The following EDIL3 variants were observed in gnomAD, a reference collection of about 807,000 sequenced individuals.
EDIL3 encodes the protein EGF-like repeat and discoidin I-like domain-containing protein 3.
EDIL3 carries 37 observed loss-of-function variants against 67.4 expected under a neutral mutation model. The observed-to-expected ratio is 0.55, with a 90% CI of 0.42 to 0.72. The LOEUF (loss-of-function observed/expected upper bound fraction) is 0.72, where lower values mean the gene tolerates loss of function less well. Ranked by LOEUF, EDIL3 falls within the 30% of genes least tolerant of loss-of-function variation. The probability of loss-of-function intolerance (pLI) is 0.00; values close to 1 mark genes in which losing one functional copy is unlikely to be tolerated. For missense variants in EDIL3, 527 were observed against 586.3 expected, an observed-to-expected ratio of 0.90 and a Z score of 1.04; for synonymous variants, 195 against 196.3, an observed-to-expected ratio of 0.99 and a Z score of 0.05.
At chr5:84,083,069 T>G (rs1747001406) in intron 6 of EDIL3, among the ~76,000 whole-genome samples, 1 of 152,236 alleles carries the variant, frequency 6.6e-6, no homozygotes, top group South Asian at 2.1e-4. Context: ...CAGGGATGAA[T>G]TTTTAATTTG....
At chr5:84,327,493 T>C (rs2112162046) in intron 1 of EDIL3, among the ~76,000 whole-genome samples, 1 of 152,132 alleles carries the variant, frequency 6.6e-6, no homozygotes, top group Admixed American at 6.6e-5. Flanking sequence ...CTGTATATAG[T>C]GATTTTACTA....
At chr5:84,144,690 G>T (rs1242069516) in intron 4 of EDIL3, among the ~76,000 whole-genome samples, 1 of 151,996 alleles carries the variant, frequency 6.6e-6, no homozygotes, top group East Asian at 1.9e-4. Context: ...ACTCCTCATT[G>T]TCCCATAGTT....
intron 9 of EDIL3, among the ~76,000 whole-genome samples, chr5:84,046,951 T>C (rs1746235736): frequency 6.6e-6 from 1 of 152,206 alleles, no homozygotes; most frequent in Non-Finnish European, 1.5e-5. Context: ...TTTTGGAATT[T>C]TGAATTAATG....
chr5:84,218,770 C>A (rs569493341), intron 3 of EDIL3, among the ~76,000 whole-genome samples: 2 of 152,266 alleles, frequency 1.3e-5, no homozygotes, highest in East Asian at 3.9e-4. Flanking sequence ...TTGGCTGTAG[C>A]CAGGCAGTAC....
At position 84,248,931 on chromosome 5, in the gene EDIL3, C is replaced by T. The variant is rs185176340; in HGVS notation, c.196+5153G>A. 5.5e-4 allele frequency among the ~76,000 whole-genome samples: 84 copies of T among 152,238 alleles called. 1 individual carries two copies. Among genetic ancestry groups the T allele is most frequent in the African/African-American group, 2.0e-3 (84 of 41,546 alleles). ...CAATTGCCTTCAAATTGTCCCCCTGCTGTATTTTGCTGTAATTTGTTTTCC... is the reference window on the plus strand; with the variant it reads ...CAATTGCCTTCAAATTGTCCCCCTGTTGTATTTTGCTGTAATTTGTTTTCC... On this transcript the variant is annotated intron_variant, in intron 2 of 10. Coordinates refer to ENST00000296591, the MANE Select transcript of EDIL3 (RefSeq NM_005711.5).
At chr5:84,240,621 T>C (rs1744777087) in intron 2 of EDIL3, among the ~76,000 whole-genome samples, 1 of 152,104 alleles carries the variant, frequency 6.6e-6, no homozygotes, top group Non-Finnish European at 1.5e-5. Flanking sequence ...CTCCTTAATC[T>C]AATGCCTGAT....
At chr5:84,226,909 TGAGGA>T (rs1288306949) in intron 3 of EDIL3, among the ~76,000 whole-genome samples, 35 of 151,832 alleles carry the variant, frequency 2.3e-4, no homozygotes, top group African/African-American at 8.5e-4. Flanking sequence ...GCCTTCTTAG[TGAGGA>T]GAGAAGTTAT....
intron 1 of EDIL3, among the ~76,000 whole-genome samples, chr5:84,358,751 A>G (rs1008471510): frequency 6.6e-6 from 1 of 151,688 alleles, no homozygotes; most frequent in Non-Finnish European, 1.5e-5. Flanking sequence ...CTGGGACTAC[A>G]GGCGCCTGCC....
At chr5:84,024,328 A>G (rs1026697526) in intron 9 of EDIL3, among the ~76,000 whole-genome samples, 1 of 152,212 alleles carries the variant, frequency 6.6e-6, no homozygotes, top group Non-Finnish European at 1.5e-5. Context: ...ATTTAGAACA[A>G]CCAAGAAAAA....
chr5:84,131,926 T>C (rs1198258995), intron 5 of EDIL3, among the ~76,000 whole-genome samples: 1 of 151,946 alleles, frequency 6.6e-6, no homozygotes, highest in African/African-American at 2.4e-5. Context: ...GTAGTACACA[T>C]TGATATCAAA....
chr5:84,137,214 CACACAT>C lies in EDIL3; in HGVS notation c.469+21_469+26del, dbSNP rs751026106. ...ACACACACACACACACACACACACACACACATACACACACGTGAATACTTACTGTAT... is the reference window on the plus strand; with the variant it reads ...ACACACACACACACACACACACACACACACACACGTGAATACTTACTGTAT... On this transcript the variant is annotated intron_variant, in intron 5 of 10. Transcript: ENST00000296591. 59 of 1,509,358 alleles carry C rather than the reference CACACAT, an allele frequency of 3.9e-5. No homozygotes were observed. In the East Asian group the frequency reaches 6.2e-4, roughly 16 times the overall value. The allele number at this position is 1,509,358 out of a possible 1,614,324, so 93.5% of individuals were successfully genotyped here.
At chr5:84,238,396 G>T (rs1353991531) in intron 2 of EDIL3, among the ~76,000 whole-genome samples, 2 of 151,742 alleles carry the variant, frequency 1.3e-5, no homozygotes, top group African/African-American at 4.8e-5. Context: ...AAGATGAAGG[G>T]GGAAGAAAAA....
At chr5:84,078,662 G>A (rs1746908129) in intron 6 of EDIL3, 1 of 152,162 alleles carries the variant, frequency 6.6e-6, no homozygotes, top group Non-Finnish European at 1.5e-5. Context: ...CTTGAAATAG[G>A]GAGGTGAAGT....
chr5:83,997,455 G>A (rs1745255353), intron 9 of EDIL3, among the ~76,000 whole-genome samples: 1 of 152,118 alleles, frequency 6.6e-6, no homozygotes, highest in African/African-American at 2.4e-5. Context: ...GAGAAATTCA[G>A]GATACCTCCA....
chr5:84,071,851 T>C (rs968866007), intron 6 of EDIL3, among the ~76,000 whole-genome samples: 16 of 152,274 alleles, frequency 1.1e-4, no homozygotes, highest in Admixed American at 9.2e-4. Flanking sequence ...AATAGTGTGA[T>C]ACCGGCACAC....
chr5:84,297,177 GAAAA>G (rs61365875), intron 1 of EDIL3, among the ~76,000 whole-genome samples: 2 of 63,230 alleles, frequency 3.2e-5, no homozygotes, highest in African/African-American at 7.1e-5. Context: ...GCAAGACTCC[GAAAA>G]AAAAAAAAAA....
chr5:84,229,549 G>T (rs1042151929), intron 3 of EDIL3, among the ~76,000 whole-genome samples: 2 of 151,718 alleles, frequency 1.3e-5, no homozygotes, highest in Admixed American at 6.6e-5. Context: ...TTATTTTTCT[G>T]TATTTTTCTC....
chr5:84,033,483 G>A (rs1468879114), intron 9 of EDIL3, among the ~76,000 whole-genome samples: 2 of 152,082 alleles, frequency 1.3e-5, no homozygotes, highest in Non-Finnish European at 2.9e-5. Flanking sequence ...GCCAAGGCAG[G>A]CAGATTGCTT....
At position 84,363,770 on chromosome 5, in the gene EDIL3, T is replaced by C. The variant is rs544528433; in HGVS notation, c.67+20538A>G. On this transcript the variant is annotated intron_variant, in intron 1 of 10. Transcript: ENST00000296591. ...AATTTAACTTCTTGACTGTATAAAT[T>C]TGTATGGATAAAAATTAATTTTCTA... is the stretch of plus-strand genomic sequence containing the variant. 3.9e-5 allele frequency among the ~76,000 whole-genome samples: 6 copies of C among 152,276 alleles called. No individual in the cohort carries two copies. The East Asian group carries it at 1.2e-3, about 29-fold the overall frequency.
Sources: allele counts gnomAD v4.1 joint callset (sites outside exome capture counted in the v4.1 genomes callset), GRCh38; gene constraint gnomAD v4.1.1; transcripts MANE v1.5; gene names NCBI Gene and HGNC (gene_info 2026-07-23, HGNC 2026-07-21).